Variants in TAF11L11 observed in about 807,000 individuals in gnomAD.
TAF11L11 encodes the protein TATA-box binding protein associated factor 11 like 11, also known as TATA-box-binding protein-associated factor 11-like protein 11.
downstream of TAF11L11, among the ~76,000 whole-genome samples, chr5:17,605,886 G>A (rs1275186352): frequency 6.6e-6 from 1 of 151,352 alleles, no homozygotes; most frequent in East Asian, 1.9e-4. Flanking sequence ...CCAAACTGCA[G>A]AAATAAAAAT....
chr5:17,605,152 T>A (rs1739140986), exon 1 of TAF11L11: 1 of 395,368 alleles, frequency 2.5e-6, no homozygotes, highest in African/African-American at 2.1e-5. Context: ...GCATTGCAGC[T>A]CTGATGCAGT....
downstream of TAF11L11, among the ~76,000 whole-genome samples, chr5:17,605,738 G>T (rs367815681): frequency 6.6e-6 from 1 of 151,408 alleles, no homozygotes; most frequent in Non-Finnish European, 1.5e-5. Context: ...TGGTGTAGCT[G>T]TGTCTTAGCT....
chr5:17,605,479 C>T (rs746368962), downstream of TAF11L11: 8 of 387,808 alleles, frequency 2.1e-5, no homozygotes, highest in Non-Finnish European at 3.6e-5. Flanking sequence ...TCTCAGTCCA[C>T]CCTGGATTTA....
At chr5:17,605,108 G>A in exon 1 of TAF11L11, 3 of 395,018 alleles carry the variant, frequency 7.6e-6, no homozygotes, top group Admixed American at 4.4e-5. Context: ...ATCTCGCTAC[G>A]AAGTGTGTCG....
chr5:17,604,666 A>T (rs1739128267), exon 1 of TAF11L11: 1 of 352,582 alleles, frequency 2.8e-6, no homozygotes, highest in Non-Finnish European at 5.1e-6. Flanking sequence ...GGCACAGCAG[A>T]AACACAGAAG....
exon 1 of TAF11L11, chr5:17,605,118 G>A (rs768186646): frequency 1.3e-5 from 5 of 395,036 alleles, no homozygotes; most frequent in East Asian, 3.6e-5. Context: ...GAAGTGTGTC[G>A]CCGGTCAGCT....
rs1175461784 is a variant in TAF11L11 at position 17,604,872 on chromosome 5, A to G, written c.92A>G (p.Asp31Gly). Reference sequence around the variant, plus strand: ...AGCAACAAGGATGGAATCCCTGAGGACCTAGATGGGAACTTGGAAGAACCC... The same window carrying G: ...AGCAACAAGGATGGAATCCCTGAGGGCCTAGATGGGAACTTGGAAGAACCC... The change falls in exon 1 of 1, where the codon GAC becomes GGC. Residue 31 changes from aspartate to glycine, a missense_variant. Coordinates refer to ENST00000510838, the Ensembl canonical transcript of TAF11L11. 16 of 390,654 alleles carry G rather than the reference A, an allele frequency of 4.1e-5. No homozygotes were observed. In the Admixed American group the frequency reaches 7.2e-4, roughly 17 times the overall value. 24.2% of individuals were successfully genotyped at this position (390,654 alleles called of 1,614,324 possible).
chr5:17,605,088 A>G lies in TAF11L11; in HGVS notation c.308A>G (p.Glu103Gly), dbSNP rs1383207132. 7.6e-6 allele frequency: 3 copies of G among 394,626 alleles called. 1 individual carries two copies. Among genetic ancestry groups the G allele is most frequent in the African/African-American group, 6.2e-5 (3 of 48,268 alleles). The allele number at this position is 394,626 out of a possible 1,614,324, so 24.4% of individuals were successfully genotyped here. The change falls in exon 1 of 1, where the codon GAG (glutamate) becomes GGG (glycine). Residue 103 changes from glutamate to glycine, a missense_variant. Glu to Gly is a moderately conservative substitution (Grantham distance 98). Coordinates refer to ENST00000510838, the Ensembl canonical transcript of TAF11L11. ...ACAACCCTGTTTTCTGCCATGTCTG[A>G]GGAGCAGCTATCTCGCTACGAAGTG...
downstream of TAF11L11, among the ~76,000 whole-genome samples, chr5:17,605,854 A>T (rs527947448): frequency 6.6e-6 from 1 of 151,434 alleles, no homozygotes; most frequent in Non-Finnish European, 1.5e-5. Flanking sequence ...GTGAGTCATC[A>T]CAAAAGCAGT....
At chr5:17,604,777 A>C (rs961768639) in exon 1 of TAF11L11, 1 of 384,220 alleles carries the variant, frequency 2.6e-6, no homozygotes, top group Non-Finnish European at 4.6e-6. Flanking sequence ...CTGGAATCTC[A>C]CCCATGGAGA....
downstream of TAF11L11, chr5:17,605,479 C>G (rs746368962): frequency 1.8e-5 from 7 of 387,808 alleles, no homozygotes; most frequent in Non-Finnish European, 2.7e-5. Flanking sequence ...TCTCAGTCCA[C>G]CCTGGATTTA....
exon 1 of TAF11L11, chr5:17,605,007 C>T (rs1473194508): frequency 5.1e-6 from 2 of 393,852 alleles, no homozygotes; most frequent in Middle Eastern, 6.4e-4. Context: ...AAAACAGATA[C>T]CAAGGGGAAG....
chr5:17,605,827 T>C (rs1173502884), downstream of TAF11L11, among the ~76,000 whole-genome samples: 4 of 151,410 alleles, frequency 2.6e-5, no homozygotes, highest in African/African-American at 9.7e-5. Flanking sequence ...ACATTTTCAA[T>C]GCTCATATGT....
rs960890594 is a variant in TAF11L11 at position 17,604,501 on chromosome 5, T to C, written c.-280T>C. On this transcript the variant is annotated 5_prime_UTR_variant, in exon 1 of 1. Transcript: ENST00000510838. ...CCTGTGAGTTGGTGTTTGTTTTAAA[T>C]ATCCAAAATTGGTGAGAATTTATTC... 9.7e-5 allele frequency: 19 copies of C among 194,916 alleles called. 2 individuals carry two copies. The highest frequency in any genetic ancestry group is 4.4e-4 in the African/African-American group (19 of 42,986). The allele number at this position is 194,916 out of a possible 1,614,324, so 12.1% of individuals were successfully genotyped here. A position where few individuals can be genotyped will look rare whatever the true frequency, so the allele number is the denominator to read the frequency against.
chr5:17,604,798 A>C, exon 1 of TAF11L11: 1 of 386,668 alleles, frequency 2.6e-6, no homozygotes, highest in Non-Finnish European at 4.6e-6. Flanking sequence ...CAGGCAGGCA[A>C]AGAGATGCCT....
exon 1 of TAF11L11, chr5:17,604,202 C>T (rs1481101696): frequency 6.6e-6 from 1 of 151,494 alleles, no homozygotes; most frequent in South Asian, 2.1e-4. Context: ...TGTGGAGATT[C>T]CCCCAGCACT....
chr5:17,605,474 G>A (rs190085596), downstream of TAF11L11: 3 of 388,256 alleles, frequency 7.7e-6, no homozygotes, highest in Non-Finnish European at 1.4e-5. Context: ...CCTTATCTCA[G>A]TCCACCCTGG....
At position 17,604,942 on chromosome 5, in the gene TAF11L11, C is replaced by T. The variant is rs997219560; in HGVS notation, c.162C>T (p.Leu54=). The change falls in exon 1 of 1, where the codon CTC becomes CTT. Residue 54 remains leucine, a synonymous_variant. Coordinates refer to ENST00000510838, the Ensembl canonical transcript of TAF11L11. ...TCAGGAGTCAGGATGTCATGGACCT[C>T]ACAGAAGGTGACAATGAAGCGTCAG... 5 of 392,286 alleles carry T rather than the reference C, an allele frequency of 1.3e-5. 1 individual carries two copies. Among genetic ancestry groups the T allele is most frequent in the African/African-American group, 1.0e-4 (5 of 48,124 alleles). 24.3% of individuals were successfully genotyped at this position (392,286 alleles called of 1,614,324 possible).
chr5:17,604,633 C>T (rs1739127471), exon 1 of TAF11L11: 1 of 332,224 alleles, frequency 3.0e-6, no homozygotes, highest in Non-Finnish European at 5.4e-6. Context: ...AGGCAGGGGG[C>T]TGTGTCCAGT....
Sources: allele counts gnomAD v4.1 joint callset (sites outside exome capture counted in the v4.1 genomes callset), GRCh38; gene constraint gnomAD v4.1.1; transcripts MANE v1.5; gene names NCBI Gene and HGNC (gene_info 2026-07-23, HGNC 2026-07-21).